Variants in JAK1 observed in about 807,000 individuals in gnomAD.
JAK1 encodes the protein Janus kinase 1.
In JAK1, 16 loss-of-function variants were observed where a neutral mutation model predicts 136.6. The observed-to-expected ratio is 0.12, with a 90% CI of 0.08 to 0.18. JAK1 has a LOEUF of 0.18. Ranked by LOEUF, JAK1 falls within the 10% of genes least tolerant of loss-of-function variation. The pLI, the probability that JAK1 is intolerant of heterozygous loss-of-function variation, is 1.00. For missense variants in JAK1, 859 were observed against 1,450.1 expected (o/e 0.59, Z 6.62); for synonymous variants, 492 against 519.5 (o/e 0.95, Z 0.72).
At chr1:64,936,260 A>T (rs1407816575) in intron 1 of JAK1, among the ~76,000 whole-genome samples, 1 of 152,174 alleles carries the variant, frequency 6.6e-6, no homozygotes, top group Admixed American at 6.5e-5. Flanking sequence ...CATGGCAATA[A>T]CTATCCATAC....
chr1:64,964,600 G>A (rs974845623), intron 1 of JAK1, among the ~76,000 whole-genome samples: 1 of 152,194 alleles, frequency 6.6e-6, no homozygotes, highest in African/African-American at 2.4e-5. Context: ...GTATGAAATG[G>A]AGGAAACCAT....
intron 2 of JAK1, among the ~76,000 whole-genome samples, chr1:65,001,547 C>T (rs1277967529): frequency 6.6e-6 from 1 of 151,744 alleles, no homozygotes; most frequent in Non-Finnish European, 1.5e-5. Flanking sequence ...TGCATGTGTG[C>T]GTGTGTGTGT....
chr1:65,063,834 AAG>A (rs1459483507), intron 1 of JAK1, among the ~76,000 whole-genome samples: 1 of 150,544 alleles, frequency 6.6e-6, no homozygotes, highest in East Asian at 1.9e-4. Context: ...GAAAGAAAAA[AAG>A]AAAAGAAATT....
At chr1:64,977,328 T>A (rs113288077) in intron 2 of JAK1, among the ~76,000 whole-genome samples, 7,906 of 152,188 alleles carry the variant, frequency 0.052, 278 homozygotes, top group South Asian at 0.1. Context: ...TTTGTTTCAT[T>A]TTTTGTAGAG....
chr1:64,896,438 C>T (rs752311899), intron 1 of JAK1, among the ~76,000 whole-genome samples: 1 of 152,062 alleles, frequency 6.6e-6, no homozygotes, highest in Non-Finnish European at 1.5e-5. Context: ...GGAATAAAAG[C>T]ATAGAAAAAG....
intron 2 of JAK1, among the ~76,000 whole-genome samples, chr1:64,974,921 T>A (rs1362870887): frequency 7.9e-5 from 12 of 151,752 alleles, no homozygotes; most frequent in African/African-American, 2.2e-4. Flanking sequence ...TGTTTTTTGT[T>A]TTTTTGAGAT....
intron 1 of JAK1, among the ~76,000 whole-genome samples, chr1:64,956,056 GTTGTA>G (rs1406254342): frequency 3.9e-5 from 6 of 152,360 alleles, no homozygotes; most frequent in Non-Finnish European, 7.4e-5. Context: ...CATACATAAA[GTTGTA>G]TTGGAGCACA....
intron 1 of JAK1, among the ~76,000 whole-genome samples, chr1:64,958,014 T>G (rs1457695319): frequency 6.6e-6 from 1 of 152,182 alleles, no homozygotes; most frequent in East Asian, 1.9e-4. Context: ...CTCCCGGTAC[T>G]CAGCATCACT....
chr1:65,064,086 A>G (rs1256571780), intron 1 of JAK1, among the ~76,000 whole-genome samples: 3 of 152,236 alleles, frequency 2.0e-5, no homozygotes, highest in Non-Finnish European at 4.4e-5. Context: ...CTTTGCACTT[A>G]CATATCCCAA....
At chr1:65,032,930 T>C (rs896073726) in intron 2 of JAK1, among the ~76,000 whole-genome samples, 14 of 152,238 alleles carry the variant, frequency 9.2e-5, no homozygotes, top group Admixed American at 6.5e-5. Context: ...GGTATGTCAG[T>C]GTACCTGGCT....
At chr1:64,975,288 C>T (rs1266252507) in intron 2 of JAK1, among the ~76,000 whole-genome samples, 1 of 152,110 alleles carries the variant, frequency 6.6e-6, no homozygotes, top group Non-Finnish European at 1.5e-5. Context: ...ATATACCTGC[C>T]ATGCTCTGTC....
chr1:64,994,195 C>T (rs1329277491), intron 2 of JAK1, among the ~76,000 whole-genome samples: 1 of 152,234 alleles, frequency 6.6e-6, no homozygotes, highest in Non-Finnish European at 1.5e-5. Flanking sequence ...CCTTCCTTGG[C>T]CTTCCAAAGT....
intron 2 of JAK1, among the ~76,000 whole-genome samples, chr1:65,032,444 C>G (rs910861706): frequency 6.6e-6 from 1 of 152,128 alleles, no homozygotes; most frequent in Non-Finnish European, 1.5e-5. Context: ...ACAGCGAGCC[C>G]TTTTGCAAAA....
intron 1 of JAK1, among the ~76,000 whole-genome samples, chr1:64,934,174 A>G (rs1017071576): frequency 1.3e-5 from 2 of 152,220 alleles, no homozygotes; most frequent in Non-Finnish European, 2.9e-5. Context: ...CCTGGTCACC[A>G]ATTGGGATCA....
At chr1:64,985,235 A>G (rs1646587244) in intron 2 of JAK1, 6 of 1,599,294 alleles carry the variant, frequency 3.8e-6, no homozygotes, top group African/African-American at 1.3e-5. Flanking sequence ...AATAGAACAC[A>G]GTATTGATTA....
chr1:64,880,776 C>A (rs1232767819), intron 3 of JAK1, among the ~76,000 whole-genome samples: 1 of 152,082 alleles, frequency 6.6e-6, no homozygotes, highest in East Asian at 1.9e-4. Flanking sequence ...CAAGACCAGC[C>A]TGGCCAACAT....
At chr1:64,863,983 C>T (rs1290671859) in intron 8 of JAK1, among the ~76,000 whole-genome samples, 2 of 152,196 alleles carry the variant, frequency 1.3e-5, no homozygotes, top group African/African-American at 4.8e-5. Context: ...AACAGGTTAC[C>T]AAACTGTTTT....
At chr1:64,928,778 C>CAAAAAACAAAAAAAAAAAAAAAA (rs1553169956) in intron 1 of JAK1, among the ~76,000 whole-genome samples, 1 of 61,124 alleles carries the variant, frequency 1.6e-5, no homozygotes, top group African/African-American at 5.7e-5. Flanking sequence ...TAAAACTCTG[C>CAAAAAACAAAAAAAAAAAAAAAA]AAAAAAAAAA....
chr1:64,877,573 T>C (rs571710576), intron 4 of JAK1, among the ~76,000 whole-genome samples: 1 of 152,302 alleles, frequency 6.6e-6, no homozygotes, highest in South Asian at 2.1e-4. Flanking sequence ...CTAGATGTAA[T>C]TTTTGGGTTA....
Sources: gnomAD v4.1 joint callset for allele counts (sites outside exome capture counted in the v4.1 genomes callset) on GRCh38, gnomAD v4.1.1 for gene constraint, MANE v1.5 for transcripts, NCBI Gene and HGNC (gene_info 2026-07-23, HGNC 2026-07-21) for gene names.